PPP1R26: variants seen among roughly 807,000 people sequenced by gnomAD.
The protein encoded by PPP1R26 is 1A6/DRIM (down-regulated in metastasis) interacting protein.
In PPP1R26, 22 loss-of-function variants were observed where a neutral mutation model predicts 67.6. That is an observed-to-expected ratio of 0.33 (90% confidence interval 0.23 to 0.46). The LOEUF is 0.46. Ranked by LOEUF, PPP1R26 falls within the 20% of genes least tolerant of loss-of-function variation. The pLI, the probability that PPP1R26 is intolerant of heterozygous loss-of-function variation, is 1.00. For synonymous variants in PPP1R26, 729 were observed against 717.2 expected, an observed-to-expected ratio of 1.02 and a Z score of -0.26; for missense variants, 1,602 against 1,651.4, an observed-to-expected ratio of 0.97 and a Z score of 0.52.
intron 1 of PPP1R26, among the ~76,000 whole-genome samples, chr9:135,481,459 T>C (rs1372006732): frequency 6.6e-6 from 1 of 151,960 alleles, no homozygotes; most frequent in East Asian, 1.9e-4. Flanking sequence ...CAGGCTGGTC[T>C]CGAACTCCTG....
chr9:135,481,947 G>A (rs575777679), intron 1 of PPP1R26, among the ~76,000 whole-genome samples: 235 of 152,298 alleles, frequency 1.5e-3, no homozygotes, highest in African/African-American at 5.4e-3. Flanking sequence ...CTTGAACTAG[G>A]TGATTTGACA....
chr9:135,487,030 G>A lies in PPP1R26; in HGVS notation c.2520G>A (p.Glu840=). 1 of 1,611,564 alleles carries A rather than the reference G, an allele frequency of 6.2e-7. No individual in the cohort carries two copies. The highest frequency in any genetic ancestry group is 1.1e-5 in the South Asian group (1 of 90,980). ...ACAGCAACGACAGCATCGAACTGGAGATTAGGAAGTTTTTGGCGGAAAAGG... is the reference window on the plus strand; with the variant it reads ...ACAGCAACGACAGCATCGAACTGGAAATTAGGAAGTTTTTGGCGGAAAAGG... The part of the protein sequence containing the change: ...SVDSNDSIEL[E]IRKFLAEKAK... Residue 840 remains glutamate, a synonymous_variant, in exon 4 of 4, where the codon GAG becomes GAA. Coordinates refer to ENST00000356818, the MANE Select transcript of PPP1R26 (RefSeq NM_014811.5).
Position 135,487,892 on chromosome 9 carries a change from C to A in PPP1R26, c.3382C>A (p.Pro1128Thr). The change falls in exon 4 of 4, where the codon CCT becomes ACT. Residue 1128 changes from proline (P) to threonine (T), a missense_variant. Pro to Thr is a conservative substitution (Grantham distance 38). Around this residue, in one of 5 missense-constraint regions of PPP1R26, gnomAD observed 740 missense variants for 696.3 expected, o/e 1.06. Transcript: ENST00000356818. ...CAGGGAGGCCCAGGCCGGACCCAGC[C>A]CTGTCTTTGGAAGCCCACACTTGCT... ...AFREAQAGPS[P>T]VFGSPHLLAK... 1 of 1,577,106 alleles carries A rather than the reference C, an allele frequency of 6.3e-7. No homozygotes were observed. The highest frequency in any genetic ancestry group is 8.6e-7 in the Non-Finnish European group (1 of 1,163,202).
At chr9:135,481,113 G>A (rs1830500726) in intron 1 of PPP1R26, among the ~76,000 whole-genome samples, 1 of 152,160 alleles carries the variant, frequency 6.6e-6, no homozygotes, top group African/African-American at 2.4e-5. Context: ...GCCTTGGGGT[G>A]CAGGTGCTGG....
chr9:135,488,493 T>C lies in PPP1R26; in HGVS notation c.*353T>C, dbSNP rs3827829. Reference sequence around the variant, plus strand: ...ACAGCCAGGTTCACAGAGGCTCTGATGCTTTTTGGTTGATTGCTGGTGAGA... The same window carrying C: ...ACAGCCAGGTTCACAGAGGCTCTGACGCTTTTTGGTTGATTGCTGGTGAGA... On this transcript the variant is annotated 3_prime_UTR_variant, in exon 4 of 4. Coordinates refer to ENST00000356818, the MANE Select transcript of PPP1R26 (RefSeq NM_014811.5). 3.5e-4 allele frequency: 64 copies of C among 183,964 alleles called. No individual in the cohort carries two copies. In the East Asian group the frequency reaches 0.01, roughly 29 times the overall value. 11.4% of individuals were successfully genotyped at this position (183,964 alleles called of 1,614,324 possible).
At chr9:135,480,061 C>T (rs1380365720) in intron 1 of PPP1R26, 39 bp downstream of exon 1, 6 of 140,612 alleles carry the variant, frequency 4.3e-5, no homozygotes, top group Non-Finnish European at 7.8e-5. Context: ...GGCTCGGGGG[C>T]TGGGAAGCTG....
chr9:135,486,206 C>G lies in PPP1R26; in HGVS notation c.1696C>G (p.Leu566Val). 6.2e-7 allele frequency: 1 copy of G among 1,613,028 alleles called. No individual in the cohort carries two copies. Among genetic ancestry groups the G allele is most frequent in the Non-Finnish European group, 8.5e-7 (1 of 1,180,034 alleles). ...ESCPQAAQGP[L>V]LPPGLNSQTG... ...CTGCCCGCAGGCTGCCCAGGGTCCA[C>G]TTTTGCCGCCTGGCCTCAACAGCCA... Residue 566 changes from leucine (L) to valine (V), a missense_variant, in exon 4 of 4, where the codon CTT (leucine) becomes GTT (valine). Leu to Val is a conservative substitution (Grantham distance 32). Around this residue, in one of 5 missense-constraint regions of PPP1R26, gnomAD observed 680 missense variants for 726.1 expected, o/e 0.94. Transcript: ENST00000356818. The surrounding 1 kb of genome is among the most constrained non-coding windows in gnomAD (Gnocchi z 6.2).
rs534583468 is a variant in PPP1R26, at chr9:135,485,446, G to T, written c.936G>T (p.Thr312=). ...GCCTCAGGTCCAAGGTCACAACCAC[G>T]CAGGAGAACGAGGGCAGCACGAAGC... ...PRSLRSKVTT[T]QENEGSTKPA... Residue 312 remains threonine (T), a synonymous_variant, in exon 4 of 4, where the codon ACG becomes ACT. Coordinates refer to ENST00000356818, the MANE Select transcript of PPP1R26 (RefSeq NM_014811.5). This position sits in a 1 kb window ranked among gnomAD's most constrained non-coding sequence, Gnocchi z 7.2. The T allele has an allele frequency of 6.2e-7, 1 of 1,612,978 alleles. No individual in the cohort carries two copies. The highest frequency in any genetic ancestry group is 8.5e-7 in the Non-Finnish European group (1 of 1,179,962).
At position 135,486,047 on chromosome 9, in the gene PPP1R26, T is replaced by C; in HGVS notation, c.1537T>C (p.Tyr513His). The C allele has an allele frequency of 6.2e-7, 1 of 1,613,144 alleles. No individual in the cohort carries two copies. The highest frequency in any genetic ancestry group is 8.5e-7 in the Non-Finnish European group (1 of 1,180,010). The change falls in exon 4 of 4, where the codon TAC becomes CAC. Residue 513 changes from tyrosine to histidine, a missense_variant. Coordinates refer to ENST00000356818, the MANE Select transcript of PPP1R26 (RefSeq NM_014811.5). This position sits in a 1 kb window ranked among gnomAD's most constrained non-coding sequence, Gnocchi z 6.2. ...DGSLSASPLF[Y>H]SPNVPSRSDG... ...GTCCCTGTCCGCAAGCCCACTCTTC[T>C]ACTCCCCGAACGTGCCTTCCCGCTC...
At chr9:135,482,964 C>T in intron 2 of PPP1R26, 149 bp downstream of exon 2, 1 of 356,124 alleles carries the variant, frequency 2.8e-6, no homozygotes, top group Non-Finnish European at 4.8e-6. Flanking sequence ...CCAGGCTCAC[C>T]TTTTGTTTCT....
rs780971585 is a variant in PPP1R26 at position 135,484,628 on chromosome 9, A to G, written c.118A>G (p.Ser40Gly). 2.5e-5 allele frequency: 40 copies of G among 1,611,562 alleles called. No individual in the cohort carries two copies. Among genetic ancestry groups the G allele is most frequent in the Non-Finnish European group, 4.2e-6 (5 of 1,179,948 alleles). The change falls in exon 4 of 4, where the codon AGC becomes GGC. Residue 40 changes from serine (S) to glycine (G), a missense_variant. Around this residue, in one of 5 missense-constraint regions of PPP1R26, gnomAD observed 168 missense variants for 176.1 expected, o/e 0.95. Coordinates refer to ENST00000356818, the MANE Select transcript of PPP1R26 (RefSeq NM_014811.5). ...CFSEADEGVE[S>G]ASVSARVQML... ...CTCGGAGGCTGACGAGGGCGTGGAGAGCGCGTCGGTGAGCGCCCGGGTGCA... is the reference window on the plus strand; with the variant it reads ...CTCGGAGGCTGACGAGGGCGTGGAGGGCGCGTCGGTGAGCGCCCGGGTGCA...
At position 135,485,722 on chromosome 9, in the gene PPP1R26, A is replaced by C. The variant is rs1267231976; in HGVS notation, c.1212A>C (p.Ala404=). 6.2e-7 allele frequency: 1 copy of C among 1,610,314 alleles called. No homozygotes were observed. The highest frequency in any genetic ancestry group is 2.2e-5 in the East Asian group (1 of 44,866). The part of the protein sequence containing the change: ...LREERAPDPP[A]HSTSSATKSA... Reference sequence around the variant, plus strand: ...AGGAGAGAGCGCCTGACCCTCCCGCACACAGCACAAGCAGTGCCACAAAAA... The same window carrying C: ...AGGAGAGAGCGCCTGACCCTCCCGCCCACAGCACAAGCAGTGCCACAAAAA... The change falls in exon 4 of 4, where the codon GCA becomes GCC. Residue 404 remains alanine (A), a synonymous_variant. Transcript: ENST00000356818. This position sits in a 1 kb window ranked among gnomAD's most constrained non-coding sequence, Gnocchi z 7.2.
At position 135,485,930 on chromosome 9, in the gene PPP1R26, C is replaced by A; in HGVS notation, c.1420C>A (p.Arg474=). ...TGAGTTTGTGGAACGGTCCTCGTGC[C>A]GGGCGGACACATCTGCTGAGCTGAT... is the stretch of plus-strand genomic sequence containing the variant. ...RSEFVERSSC[R]ADTSAELMCA... is the part of the protein sequence containing the mutation. Residue 474 remains arginine, a synonymous_variant, in exon 4 of 4, where the codon CGG becomes AGG. Coordinates refer to ENST00000356818, the MANE Select transcript of PPP1R26 (RefSeq NM_014811.5). This position sits in a 1 kb window ranked among gnomAD's most constrained non-coding sequence, Gnocchi z 7.2. 2 of 1,613,490 alleles carry A rather than the reference C, an allele frequency of 1.2e-6. No individual in the cohort carries two copies. Among genetic ancestry groups the A allele is most frequent in the Non-Finnish European group, 1.7e-6 (2 of 1,180,032 alleles).
At chr9:135,480,938 C>T (rs564049029) in intron 1 of PPP1R26, among the ~76,000 whole-genome samples, 1 of 152,338 alleles carries the variant, frequency 6.6e-6, no homozygotes, top group Admixed American at 6.5e-5. Context: ...GCTTTTCGGC[C>T]AACCGAGAAA....
In PPP1R26 at chr9:135,485,079, T is replaced by A; in HGVS notation, c.569T>A (p.Leu190His). The A allele has an allele frequency of 6.2e-7, 1 of 1,610,978 alleles. No homozygotes were observed. Among genetic ancestry groups the A allele is most frequent in the Non-Finnish European group, 8.5e-7 (1 of 1,179,204 alleles). The part of the protein sequence containing the change: ...SAPTALCPPK[L>H]VPGSGGGPGS... ...CCGACTGCCCTGTGTCCCCCAAAAC[T>A]TGTACCTGGATCAGGTGGTGGCCCC... is the stretch of plus-strand genomic sequence containing the variant. The change falls in exon 4 of 4, where the codon CTT becomes CAT. Residue 190 changes from leucine to histidine, a missense_variant. Physicochemically the swap from Leu to His is moderately conservative, Grantham distance 99. Around this residue, in one of 5 missense-constraint regions of PPP1R26, gnomAD observed 680 missense variants for 726.1 expected, o/e 0.94. Coordinates refer to ENST00000356818, the MANE Select transcript of PPP1R26 (RefSeq NM_014811.5). This position sits in a 1 kb window ranked among gnomAD's most constrained non-coding sequence, Gnocchi z 7.2.
In PPP1R26 at chr9:135,485,155, T is replaced by C. The variant is rs374210569; in HGVS notation, c.645T>C (p.Ser215=). ...SKDQGSASPV[S]VSSDDSFEQS... is the part of the protein sequence containing the mutation. ...ACCAGGGCTCCGCCTCCCCGGTCAGTGTGAGCAGCGATGACTCCTTCGAGC... is the reference window on the plus strand; with the variant it reads ...ACCAGGGCTCCGCCTCCCCGGTCAGCGTGAGCAGCGATGACTCCTTCGAGC... The change falls in exon 4 of 4, where the codon AGT becomes AGC. Residue 215 remains serine (S), a synonymous_variant. Coordinates refer to ENST00000356818, the MANE Select transcript of PPP1R26 (RefSeq NM_014811.5). The surrounding 1 kb of genome is among the most constrained non-coding windows in gnomAD (Gnocchi z 7.2). 41 of 1,612,802 alleles carry C rather than the reference T, an allele frequency of 2.5e-5. No homozygotes were observed. In the African/African-American group the frequency reaches 3.6e-4, roughly 14 times the overall value.
At chr9:135,481,687 C>T (rs13288742) in intron 1 of PPP1R26, among the ~76,000 whole-genome samples, 23,917 of 151,798 alleles carry the variant, frequency 0.16, 2,121 homozygotes, top group South Asian at 0.28. Context: ...GGCGCGATCT[C>T]GGCTCACTGC....
Position 135,485,446 on chromosome 9 carries a change from G to A in PPP1R26, c.936G>A (p.Thr312=), listed in dbSNP as rs534583468. 2.5e-5 allele frequency: 40 copies of A among 1,612,978 alleles called. No individual in the cohort carries two copies. The highest frequency in any genetic ancestry group is 6.7e-5 in the African/African-American group (5 of 75,042). ...GCCTCAGGTCCAAGGTCACAACCACGCAGGAGAACGAGGGCAGCACGAAGC... is the reference window on the plus strand; with the variant it reads ...GCCTCAGGTCCAAGGTCACAACCACACAGGAGAACGAGGGCAGCACGAAGC... ...PRSLRSKVTT[T]QENEGSTKPA... Residue 312 remains threonine (T), a synonymous_variant, in exon 4 of 4, where the codon ACG becomes ACA. Coordinates refer to ENST00000356818, the MANE Select transcript of PPP1R26 (RefSeq NM_014811.5). This position sits in a 1 kb window ranked among gnomAD's most constrained non-coding sequence, Gnocchi z 7.2.
At chr9:135,480,143 G>C (rs1830459837) in intron 1 of PPP1R26, 121 bp downstream of exon 1, 1 of 150,778 alleles carries the variant, frequency 6.6e-6, no homozygotes, top group South Asian at 1.9e-4. Flanking sequence ...GCGGGCGGCG[G>C]GGGCTCCCCG....
Sources: gnomAD v4.1 joint callset for allele counts (sites outside exome capture counted in the v4.1 genomes callset) on GRCh38, gnomAD v4.1.1 for gene constraint, gnomAD v4.1.1 regional missense constraint, Gnocchi (gnomAD v3.1) non-coding constraint, MANE v1.5 for transcripts, NCBI Gene and HGNC (gene_info 2026-07-23, HGNC 2026-07-21) for gene names.